The following ZNF804A variants were observed in gnomAD, a reference collection of about 807,000 sequenced individuals.
ZNF804A encodes zinc finger protein 804A.
ZNF804A carries 2 observed loss-of-function variants against 16.5 expected under a neutral mutation model. The ratio of observed to expected loss-of-function variants is 0.12; its 90% CI spans 0.05 to 0.38. ZNF804A has a LOEUF of 0.38. Among genes scored for constraint, ZNF804A ranks in the 10% least tolerant of loss-of-function variants. ZNF804A has a pLI of 0.99. For synonymous variants in ZNF804A, 534 were observed against 489.6 expected (o/e 1.09, Z -1.20); for missense variants, 1,473 against 1,390.7 (o/e 1.06, Z -0.94).
At chr2:184,734,058 C>T (rs1193216418) in intron 1 of ZNF804A, among the ~76,000 whole-genome samples, 1 of 151,906 alleles carries the variant, frequency 6.6e-6, no homozygotes, top group Non-Finnish European at 1.5e-5. Context: ...ATTTGTTCCT[C>T]TTTTTCTATT....
chr2:184,915,408 T>C (rs1269950922), intron 2 of ZNF804A, among the ~76,000 whole-genome samples: 4 of 152,082 alleles, frequency 2.6e-5, no homozygotes, highest in African/African-American at 7.2e-5. Flanking sequence ...GGGCATTCAG[T>C]TGTTTGTATA....
At chr2:184,668,193 C>A (rs1692280775) in intron 1 of ZNF804A, among the ~76,000 whole-genome samples, 3 of 151,710 alleles carry the variant, frequency 2.0e-5, no homozygotes, top group Admixed American at 2.0e-4. Flanking sequence ...ATATTTATAG[C>A]ATACAATGTG....
chr2:184,890,958 C>T (rs556345802), intron 2 of ZNF804A, among the ~76,000 whole-genome samples: 62 of 151,858 alleles, frequency 4.1e-4, no homozygotes, highest in Non-Finnish European at 4.0e-4. Flanking sequence ...TGCACATAAA[C>T]GCAGATACCT....
intron 2 of ZNF804A, among the ~76,000 whole-genome samples, chr2:184,869,699 T>A (rs923182906): frequency 6.6e-6 from 1 of 152,046 alleles, no homozygotes; most frequent in Admixed American, 6.6e-5. Context: ...GGCCTCCCAA[T>A]GAGGATCTGT....
intron 1 of ZNF804A, among the ~76,000 whole-genome samples, chr2:184,774,279 T>C (rs1205103304): frequency 6.6e-6 from 1 of 151,892 alleles, no homozygotes; most frequent in East Asian, 1.9e-4. Flanking sequence ...AACTATATAA[T>C]GAGGTGGCGA....
chr2:184,861,072 G>A (rs1695793288), intron 1 of ZNF804A, among the ~76,000 whole-genome samples: 2 of 152,212 alleles, frequency 1.3e-5, no homozygotes, highest in African/African-American at 4.8e-5. Flanking sequence ...TGGTGCTAGA[G>A]CAGATCTAGA....
At chr2:184,842,492 G>T (rs902984939) in intron 1 of ZNF804A, among the ~76,000 whole-genome samples, 1 of 151,204 alleles carries the variant, frequency 6.6e-6, no homozygotes, top group Non-Finnish European at 1.5e-5. Flanking sequence ...TCAGCAAGGT[G>T]ATTTCCTTTT....
chr2:184,807,333 G>A (rs888456260), intron 1 of ZNF804A, among the ~76,000 whole-genome samples: 2 of 151,792 alleles, frequency 1.3e-5, no homozygotes, highest in African/African-American at 4.8e-5. Context: ...AGCAACCTGG[G>A]TTAATTGTTT....
chr2:184,811,069 G>T (rs1335772864), intron 1 of ZNF804A, among the ~76,000 whole-genome samples: 1 of 152,084 alleles, frequency 6.6e-6, no homozygotes, highest in Non-Finnish European at 1.5e-5. Flanking sequence ...TAAATGACAG[G>T]CACTGAGGTG....
chr2:184,918,283 T>A (rs911701410), intron 2 of ZNF804A, among the ~76,000 whole-genome samples: 10 of 152,162 alleles, frequency 6.6e-5, no homozygotes, highest in African/African-American at 2.2e-4. Flanking sequence ...CTGTCTTAAC[T>A]TCCAGTTCAG....
intron 1 of ZNF804A, among the ~76,000 whole-genome samples, chr2:184,739,581 A>C (rs1693682569): frequency 6.6e-6 from 1 of 152,114 alleles, no homozygotes; most frequent in African/African-American, 2.4e-5. Context: ...TAGTAGAGAC[A>C]GGGTTTTGCC....
chr2:184,667,572 A>G (rs984882839), intron 1 of ZNF804A, among the ~76,000 whole-genome samples: 5 of 152,074 alleles, frequency 3.3e-5, no homozygotes, highest in Middle Eastern at 3.4e-3. Context: ...GCCCTCTAGC[A>G]GGATTACATA....
At chr2:184,903,081 A>G (rs1558997824) in intron 2 of ZNF804A, among the ~76,000 whole-genome samples, 2 of 152,170 alleles carry the variant, frequency 1.3e-5, no homozygotes, top group South Asian at 4.1e-4. Context: ...GCTTTGTCTC[A>G]GTAACACAGT....
At chr2:184,808,276 TA>T (rs1423597998) in intron 1 of ZNF804A, among the ~76,000 whole-genome samples, 1 of 151,632 alleles carries the variant, frequency 6.6e-6, no homozygotes, top group East Asian at 1.9e-4. Flanking sequence ...TTTTATAGTA[TA>T]TTTTTACAAT....
intron 1 of ZNF804A, among the ~76,000 whole-genome samples, chr2:184,662,186 A>G (rs1692184972): frequency 6.6e-6 from 1 of 152,168 alleles, no homozygotes; most frequent in Admixed American, 6.5e-5. Flanking sequence ...TTCTGTTGCT[A>G]TTATACATAC....
At chr2:184,715,970 C>T (rs764187389) in intron 1 of ZNF804A, among the ~76,000 whole-genome samples, 1 of 152,060 alleles carries the variant, frequency 6.6e-6, no homozygotes, top group Admixed American at 6.6e-5. Context: ...CATTGTTTCA[C>T]GCCAACAGGT....
chr2:184,821,841 G>C (rs1376632554), intron 1 of ZNF804A, among the ~76,000 whole-genome samples: 1 of 152,146 alleles, frequency 6.6e-6, no homozygotes, highest in Admixed American at 6.6e-5. Flanking sequence ...TTAGAGAAAT[G>C]CAGACCAAAA....
chr2:184,821,535 A>T (rs1464568064), intron 1 of ZNF804A, among the ~76,000 whole-genome samples: 22 of 152,146 alleles, frequency 1.4e-4, no homozygotes, highest in Non-Finnish European at 4.4e-5. Context: ...CACAAAAGCA[A>T]TGGCAACAAA....
At chr2:184,909,002 C>CT (rs1558999662) in intron 2 of ZNF804A, among the ~76,000 whole-genome samples, 1 of 152,066 alleles carries the variant, frequency 6.6e-6, no homozygotes, top group Non-Finnish European at 1.5e-5. Flanking sequence ...TGCCACCACT[C>CT]TATTTTTTTC....
Sources: allele counts gnomAD v4.1 joint callset (sites outside exome capture counted in the v4.1 genomes callset), GRCh38; gene constraint gnomAD v4.1.1; transcripts MANE v1.5; gene names NCBI Gene and HGNC (gene_info 2026-07-23, HGNC 2026-07-21).